The following MCCC2 variants were observed in gnomAD, a reference collection of about 807,000 sequenced individuals.
MCCC2 encodes methylcrotonyl-CoA carboxylase subunit 2, also known as methylcrotonoyl-CoA carboxylase beta chain, mitochondrial.
MCCC2 carries 52 observed loss-of-function variants against 77.2 expected under a neutral mutation model. That is an observed-to-expected ratio of 0.67 (90% CI 0.54 to 0.85). The LOEUF (loss-of-function observed/expected upper bound fraction) is 0.85, where lower values mean the gene tolerates loss of function less well. Among genes scored for constraint, MCCC2 ranks in the 40% least tolerant of loss-of-function variants. The pLI, the probability that MCCC2 is intolerant of heterozygous loss-of-function variation, is 0.00. For synonymous variants in MCCC2, 253 were observed against 248.4 expected, an observed-to-expected ratio of 1.02 and a Z score of -0.18; for missense variants, 682 against 703.2, an observed-to-expected ratio of 0.97 and a Z score of 0.34.
intron 6 of MCCC2, among the ~76,000 whole-genome samples, chr5:71,605,433 G>GT (rs1040897376): frequency 7.2e-4 from 110 of 152,020 alleles, no homozygotes; most frequent in African/African-American, 2.3e-3. Flanking sequence ...GGGGTTGTTT[G>GT]TTTTTTTCTT....
At position 71,610,407 on chromosome 5, in the gene MCCC2, T is replaced by C. The variant is rs577121358; in HGVS notation, c.624+5939T>C. On this transcript the variant is annotated intron_variant, in intron 6 of 16. Transcript: ENST00000340941. The stretch of plus-strand genomic sequence containing the variant: ...CCCTTGCGCTTCCCAAGTGAGGCAA[T>C]GCCTCGCCCTGCTTCGGCTCGCACA... 9.8e-3 allele frequency among the ~76,000 whole-genome samples: 1,497 copies of C among 152,326 alleles called. 27 individuals carry two copies. The highest frequency in any genetic ancestry group is 0.034 in the African/African-American group (1,406 of 41,590).
Position 71,604,345 on chromosome 5 carries a change from CT to C in MCCC2, c.512-9del. The C allele has an allele frequency of 6.2e-7, 1 of 1,610,340 alleles. No individual in the cohort carries two copies. Among genetic ancestry groups the C allele is most frequent in the Non-Finnish European group, 8.5e-7 (1 of 1,176,576 alleles). On this transcript the variant is annotated splice_polypyrimidine_tract_variant and intron_variant, in intron 5 of 16. Coordinates refer to ENST00000340941, the MANE Select transcript of MCCC2 (RefSeq NM_022132.5). Reference sequence around the variant, plus strand: ...ATAGAGATGCTTATGTTTCTCATTTCTTGTCTTCAGTTGATTCGGGAGGAGC... The same window carrying C: ...ATAGAGATGCTTATGTTTCTCATTTCTGTCTTCAGTTGATTCGGGAGGAGC...
At chr5:71,621,287 T>C (rs1428247044) in intron 6 of MCCC2, among the ~76,000 whole-genome samples, 1 of 151,576 alleles carries the variant, frequency 6.6e-6, no homozygotes, top group Non-Finnish European at 1.5e-5. Context: ...GGTAGGAGGA[T>C]TGCTTGAGCC....
intron 6 of MCCC2, among the ~76,000 whole-genome samples, chr5:71,621,518 C>T (rs577393525): frequency 1.2e-4 from 19 of 152,094 alleles, no homozygotes; most frequent in Admixed American, 5.9e-4. Context: ...CTCTTGAGCC[C>T]GGGAAGTCAA....
Position 71,657,182 on chromosome 5 carries a change from A to C in MCCC2, c.*322A>C. On this transcript the variant is annotated 3_prime_UTR_variant, in exon 17 of 17. Transcript: ENST00000340941. The stretch of plus-strand genomic sequence containing the variant: ...CTCAGTTCTGTAATCTGTATTATTG[A>C]GATGATTAATATAAAGTTGTATTTT... 1.1e-5 allele frequency: 3 copies of C among 283,356 alleles called. No individual in the cohort carries two copies. The highest frequency in any genetic ancestry group is 4.8e-5 in the Admixed American group (1 of 20,634). 17.6% of individuals were successfully genotyped at this position (283,356 alleles called of 1,614,324 possible). A position where few individuals can be genotyped will look rare whatever the true frequency, so the allele number is the denominator to read the frequency against.
chr5:71,588,512 G>A (rs1744848072), intron 1 of MCCC2, among the ~76,000 whole-genome samples: 1 of 152,198 alleles, frequency 6.6e-6, no homozygotes, highest in African/African-American at 2.4e-5. Flanking sequence ...TTATTAAGTG[G>A]TTATTGTGGT....
chr5:71,626,207 A>T (rs1746523469), intron 6 of MCCC2, among the ~76,000 whole-genome samples: 1 of 152,258 alleles, frequency 6.6e-6, no homozygotes, highest in Non-Finnish European at 1.5e-5. Context: ...AACACAAAAT[A>T]TTAATAACAT....
intron 6 of MCCC2, among the ~76,000 whole-genome samples, chr5:71,626,098 C>T (rs1482853644): frequency 3.9e-5 from 6 of 152,132 alleles, no homozygotes; most frequent in Non-Finnish European, 8.8e-5. Flanking sequence ...CCTATGTACA[C>T]ATCACCCAAC....
At chr5:71,644,355 C>G (rs1747221253) in intron 12 of MCCC2, among the ~76,000 whole-genome samples, 1 of 152,080 alleles carries the variant, frequency 6.6e-6, no homozygotes, top group Non-Finnish European at 1.5e-5. Flanking sequence ...TTATTCTCTT[C>G]TATCCCATTA....
chr5:71,587,347 G>T lies in MCCC2; in HGVS notation c.-79G>T, dbSNP rs917971566. ...CTGCAAGGACCTGAGCTCAGCTTCCGCCCCAGCCAGGGAAGCGGCAGGGGA... is the reference window on the plus strand; with the variant it reads ...CTGCAAGGACCTGAGCTCAGCTTCCTCCCCAGCCAGGGAAGCGGCAGGGGA... On this transcript the variant is annotated 5_prime_UTR_variant, in exon 1 of 17. Coordinates refer to ENST00000340941, the MANE Select transcript of MCCC2 (RefSeq NM_022132.5). 3 of 1,507,930 alleles carry T rather than the reference G, an allele frequency of 2.0e-6. No homozygotes were observed. Among genetic ancestry groups the T allele is most frequent in the African/African-American group, 1.4e-5 (1 of 72,050 alleles). The allele number at this position is 1,507,930 out of a possible 1,614,324, so 93.4% of individuals were successfully genotyped here.
chr5:71,589,773 T>C (rs1158678311), intron 1 of MCCC2, among the ~76,000 whole-genome samples: 2 of 152,236 alleles, frequency 1.3e-5, no homozygotes, highest in Non-Finnish European at 2.9e-5. Flanking sequence ...ATCATAATGA[T>C]CCTGTGCAGT....
intron 1 of MCCC2, among the ~76,000 whole-genome samples, chr5:71,591,682 C>T (rs1337960075): frequency 6.6e-6 from 1 of 151,996 alleles, no homozygotes; most frequent in Non-Finnish European, 1.5e-5. Flanking sequence ...GGTGATCTGC[C>T]CGCCTCGGCC....
rs7701149 is a variant in MCCC2 at position 71,651,837 on chromosome 5, C to T, written c.1489-832C>T. On this transcript the variant is annotated intron_variant, in intron 15 of 16. Transcript: ENST00000340941. ...ATACTTCAAAGACATGTCTGAAACT[C>T]TATGAAGCCTAGCATGGTGATCTCT... is the stretch of plus-strand genomic sequence containing the variant. 2.4e-3 allele frequency among the ~76,000 whole-genome samples: 369 copies of T among 152,260 alleles called. 3 individuals are homozygous for T. The highest frequency in any genetic ancestry group is 8.5e-3 in the African/African-American group (351 of 41,534).
intron 6 of MCCC2, among the ~76,000 whole-genome samples, chr5:71,617,888 A>G (rs921076650): frequency 5.3e-5 from 8 of 152,246 alleles, no homozygotes; most frequent in South Asian, 2.1e-4. Flanking sequence ...ACAGATTACT[A>G]TAGACCTTCC....
rs750334772 is a variant in MCCC2, at chr5:71,641,086, G to A, written c.1072+11G>A. 1.2e-6 allele frequency: 2 copies of A among 1,609,992 alleles called. No individual in the cohort carries two copies. The highest frequency in any genetic ancestry group is 2.2e-5 in the South Asian group (2 of 90,946). ...ACACATTAGTTACAGGTATAAAGGT[G>A]AAGAATTGAAAATACGAACATTTTC... On this transcript the variant is annotated intron_variant, in intron 11 of 16. Transcript: ENST00000340941.
chr5:71,642,577 G>C (rs1035191482), intron 11 of MCCC2, among the ~76,000 whole-genome samples: 3 of 152,196 alleles, frequency 2.0e-5, no homozygotes, highest in Non-Finnish European at 4.4e-5. Flanking sequence ...AGTGTGGGTT[G>C]AATCTAAGTA....
At chr5:71,635,513 T>TC in intron 10 of MCCC2, 1 of 494,420 alleles carries the variant, frequency 2.0e-6, no homozygotes, top group Non-Finnish European at 3.7e-6. Context: ...TAAGTAAGAC[T>TC]CCATGTCCTG....
chr5:71,638,763 C>CA (rs765204258), intron 10 of MCCC2, among the ~76,000 whole-genome samples: 1 of 152,116 alleles, frequency 6.6e-6, no homozygotes, highest in Non-Finnish European at 1.5e-5. Flanking sequence ...TCAGGTGATC[C>CA]ACCCGTCTTG....
chr5:71,587,355 C>T lies in MCCC2; in HGVS notation c.-71C>T. 6.6e-7 allele frequency: 1 copy of T among 1,514,528 alleles called. No individual in the cohort carries two copies. Among genetic ancestry groups the T allele is most frequent in the Non-Finnish European group, 8.8e-7 (1 of 1,136,912 alleles). 93.8% of individuals were successfully genotyped at this position (1,514,528 alleles called of 1,614,324 possible). Reference sequence around the variant, plus strand: ...ACCTGAGCTCAGCTTCCGCCCCAGCCAGGGAAGCGGCAGGGGAAAGCACCG... The same window carrying T: ...ACCTGAGCTCAGCTTCCGCCCCAGCTAGGGAAGCGGCAGGGGAAAGCACCG... On this transcript the variant is annotated 5_prime_UTR_variant, in exon 1 of 17. Transcript: ENST00000340941.
Sources: gnomAD v4.1 joint callset for allele counts (sites outside exome capture counted in the v4.1 genomes callset) on GRCh38, gnomAD v4.1.1 for gene constraint, MANE v1.5 for transcripts, NCBI Gene and HGNC (gene_info 2026-07-23, HGNC 2026-07-21) for gene names.